The following UBR1 variants were observed in gnomAD, a reference collection of about 807,000 sequenced individuals.
UBR1 encodes E3 ubiquitin-protein ligase UBR1.
A neutral mutation model predicts 242.1 loss-of-function variants in UBR1; 102 were observed. The ratio of observed to expected loss-of-function variants is 0.42; its 90% confidence interval spans 0.36 to 0.50. UBR1 has a LOEUF of 0.50. UBR1 is among the 20% of genes least tolerant of loss of function. UBR1 has a pLI of 0.01. For missense variants in UBR1, 1,772 were observed against 2,101.8 expected (o/e 0.84, Z 3.07); for synonymous variants, 675 against 684.8 (o/e 0.99, Z 0.22).
chr15:42,960,738 T>C, intron 42 of UBR1, 37 bp from the exon 43 acceptor site: 1 of 1,600,022 alleles, frequency 6.2e-7, no homozygotes, highest in Non-Finnish European at 8.6e-7. Flanking sequence ...AAATGGATTA[T>C]CACAGCTTCA....
At chr15:42,960,777 T>C (rs994688141) in intron 42 of UBR1, 76 bp from the exon 43 acceptor site, 33 of 1,130,696 alleles carry the variant, frequency 2.9e-5, no homozygotes, top group Admixed American at 1.3e-4. Flanking sequence ...AGCCATTCTC[T>C]TTTTTTTTTG....
intron 12 of UBR1, among the ~76,000 whole-genome samples, chr15:43,054,092 G>A (rs975663073): frequency 1.3e-5 from 2 of 152,176 alleles, no homozygotes; most frequent in Non-Finnish European, 2.9e-5. Context: ...GCTCATGACT[G>A]TAATCCCAAC....
At chr15:43,005,997 C>G (rs1293806910) in intron 30 of UBR1, among the ~76,000 whole-genome samples, 1 of 148,132 alleles carries the variant, frequency 6.8e-6, no homozygotes, top group Non-Finnish European at 1.5e-5. Context: ...GACCCTTGTT[C>G]ACATGTTTAT....
At chr15:42,945,940 C>A (rs1434881869) in intron 46 of UBR1, among the ~76,000 whole-genome samples, 2 of 152,152 alleles carry the variant, frequency 1.3e-5, no homozygotes, top group African/African-American at 2.4e-5. Flanking sequence ...AAAAAACTGG[C>A]TGGTTATTAG....
At chr15:43,090,789 A>G in intron 1 of UBR1, among the ~76,000 whole-genome samples, 1 of 152,216 alleles carries the variant, frequency 6.6e-6, no homozygotes, top group Admixed American at 6.5e-5. Context: ...AGAAAGCTGA[A>G]TCACAGGGAA....
rs932508171 is a variant in UBR1, at chr15:43,070,771, G to C, written c.659+24C>G. 2.5e-6 allele frequency: 4 copies of C among 1,611,560 alleles called. No individual in the cohort carries two copies. In the East Asian group the frequency reaches 6.7e-5, roughly 27 times the overall value. ...ATACAAATAACCATCACTAAAACTTGTTCCGTTTGACAGTTTTCCCCACCT... is the reference window on the plus strand; with the variant it reads ...ATACAAATAACCATCACTAAAACTTCTTCCGTTTGACAGTTTTCCCCACCT... On this transcript the variant is annotated intron_variant, in intron 5 of 46. Coordinates refer to ENST00000290650, the MANE Select transcript of UBR1 (RefSeq NM_174916.3).
chr15:42,961,400 C>T (rs909857621), intron 42 of UBR1, among the ~76,000 whole-genome samples: 4 of 150,608 alleles, frequency 2.7e-5, no homozygotes, highest in Non-Finnish European at 1.5e-5. Flanking sequence ...TGCAAATGAG[C>T]CACTGTGCTG....
intron 29 of UBR1, among the ~76,000 whole-genome samples, chr15:43,011,339 C>T (rs555507449): frequency 2.0e-5 from 3 of 152,036 alleles, no homozygotes; most frequent in African/African-American, 7.2e-5. Flanking sequence ...ATGGCTAAAC[C>T]CCATAATTAA....
In UBR1 at chr15:43,037,626, T is replaced by G. The variant is rs529415995; in HGVS notation, c.2022+147A>C. The G allele has an allele frequency of 1.9e-4, 134 of 695,462 alleles. No homozygotes were observed. The African/African-American group carries it at 2.2e-3, about 11-fold the overall frequency. 43.1% of individuals were successfully genotyped at this position (695,462 alleles called of 1,614,324 possible). On this transcript the variant is annotated intron_variant, in intron 17 of 46. Coordinates refer to ENST00000290650, the MANE Select transcript of UBR1 (RefSeq NM_174916.3). ...CAGGATAGGAGAAATGTCTATATAGTTCCTAGAACTTTCATTTCTAGGAGT... is the reference window on the plus strand; with the variant it reads ...CAGGATAGGAGAAATGTCTATATAGGTCCTAGAACTTTCATTTCTAGGAGT...
intron 29 of UBR1, among the ~76,000 whole-genome samples, chr15:43,010,001 A>C (rs2032895545): frequency 6.6e-6 from 1 of 152,142 alleles, no homozygotes; most frequent in Non-Finnish European, 1.5e-5. Flanking sequence ...CCTCTGAAGT[A>C]GCTGGGATTA....
chr15:43,084,019 T>C (rs1242547347), intron 2 of UBR1, among the ~76,000 whole-genome samples: 1 of 152,046 alleles, frequency 6.6e-6, no homozygotes, highest in Non-Finnish European at 1.5e-5. Flanking sequence ...TACTCTAGCC[T>C]AGGCAATAAG....
In UBR1 at chr15:43,017,156, C is replaced by G; in HGVS notation, c.2966G>C (p.Arg989Thr). The part of the protein sequence containing the change: ...LQMFDTVKRL[R>T]EKSCLIVATT... ...TGCTACAATTAAACAAGATTTTTCT[C>G]TTAATCGCTTCACTGTGTCAAACAT... The change falls in exon 28 of 47, where the codon AGA becomes ACA. Residue 989 changes from arginine to threonine, a missense_variant. Arg to Thr is a moderately conservative substitution (Grantham distance 71). Transcript: ENST00000290650. The G allele has an allele frequency of 6.2e-7, 1 of 1,613,552 alleles. No homozygotes were observed.
At chr15:43,012,111 C>T (rs2141293317) in intron 29 of UBR1, among the ~76,000 whole-genome samples, 1 of 152,012 alleles carries the variant, frequency 6.6e-6, no homozygotes, top group African/African-American at 2.4e-5. Context: ...CCTGTAGTCC[C>T]AGTTACTCGG....
At chr15:43,019,988 C>T (rs1238379163) in intron 27 of UBR1, among the ~76,000 whole-genome samples, 1 of 151,908 alleles carries the variant, frequency 6.6e-6, no homozygotes, top group African/African-American at 2.4e-5. Context: ...CACTCGTCTC[C>T]AAAGGCAATG....
chr15:43,089,269 G>C (rs538307955), intron 1 of UBR1, among the ~76,000 whole-genome samples: 1 of 152,248 alleles, frequency 6.6e-6, no homozygotes, highest in South Asian at 2.1e-4. Context: ...GAGAAGGGCG[G>C]ATTACGAGGT....
chr15:43,019,499 T>C (rs752106305), intron 27 of UBR1, among the ~76,000 whole-genome samples: 3 of 151,948 alleles, frequency 2.0e-5, no homozygotes, highest in Non-Finnish European at 4.4e-5. Context: ...ATATTCTGAT[T>C]ATCAAAACAA....
chr15:43,068,056 T>C lies in UBR1; in HGVS notation c.660-20A>G. 6.8e-7 allele frequency: 1 copy of C among 1,463,498 alleles called. No individual in the cohort carries two copies. The highest frequency in any genetic ancestry group is 9.2e-7 in the Non-Finnish European group (1 of 1,089,040). 90.7% of individuals were successfully genotyped at this position (1,463,498 alleles called of 1,614,324 possible). On this transcript the variant is annotated intron_variant, in intron 5 of 46. Coordinates refer to ENST00000290650, the MANE Select transcript of UBR1 (RefSeq NM_174916.3). ...TTCTCCCTGTTAGAAAAAAAACATA[T>C]ATATTTGGATACTACAACAAATAAA...
intron 4 of UBR1, among the ~76,000 whole-genome samples, chr15:43,073,443 T>C (rs1289915124): frequency 6.6e-6 from 1 of 152,216 alleles, no homozygotes; most frequent in Non-Finnish European, 1.5e-5. Flanking sequence ...CTATCATTCC[T>C]TGTCTAATAG....
At chr15:43,025,170 C>A (rs1318898011) in intron 24 of UBR1, among the ~76,000 whole-genome samples, 187 bp from the exon 25 acceptor site, 1 of 152,122 alleles carries the variant, frequency 6.6e-6, no homozygotes, top group Non-Finnish European at 1.5e-5. Context: ...ATATCAGTCA[C>A]CCAAAATGAA....
Sources: allele counts gnomAD v4.1 joint callset (sites outside exome capture counted in the v4.1 genomes callset), GRCh38; gene constraint gnomAD v4.1.1; transcripts MANE v1.5; gene names NCBI Gene and HGNC (gene_info 2026-07-23, HGNC 2026-07-21).